Variants in RIN2 observed in about 807,000 individuals in gnomAD.
RIN2 encodes the protein Ras and Rab interactor 2.
RIN2 carries 36 observed loss-of-function variants against 78.0 expected under a neutral mutation model. That is an observed-to-expected ratio of 0.46 (90% CI 0.35 to 0.61). The LOEUF is 0.61. RIN2 is among the 20% of genes least tolerant of loss of function. The pLI is 0.00. For missense variants in RIN2, 1,087 were observed against 1,159.7 expected, an observed-to-expected ratio of 0.94 and a Z score of 0.91; for synonymous variants, 466 against 466.8, an observed-to-expected ratio of 1.00 and a Z score of 0.02.
chr20:19,801,167 A>C (rs2035229656), intron 2 of RIN2, among the ~76,000 whole-genome samples: 1 of 152,194 alleles, frequency 6.6e-6, no homozygotes. Context: ...TTAAGTGTAG[A>C]GTTCTCTCAG....
chr20:19,765,920 A>C (rs2122343577), intron 1 of RIN2, among the ~76,000 whole-genome samples: 1 of 151,702 alleles, frequency 6.6e-6, no homozygotes, highest in Non-Finnish European at 1.5e-5. Context: ...AGGAGGCTAC[A>C]GAGGGAGGGA....
At chr20:19,871,750 T>C (rs1449488606) in intron 2 of RIN2, 1 of 152,198 alleles carries the variant, frequency 6.6e-6, no homozygotes, top group African/African-American at 2.4e-5. Context: ...AATGTACGCA[T>C]CGCGGCTTCT....
chr20:19,965,381 C>T (rs570038151), intron 7 of RIN2, among the ~76,000 whole-genome samples: 17 of 152,188 alleles, frequency 1.1e-4, no homozygotes, highest in African/African-American at 3.1e-4. Context: ...CACATACATG[C>T]GCACACACAC....
At chr20:19,895,752 T>C (rs1188296853) in intron 3 of RIN2, 2 of 152,206 alleles carry the variant, frequency 1.3e-5, no homozygotes, top group African/African-American at 4.8e-5. Flanking sequence ...CCTGTCATTA[T>C]ATTTCAGAGA....
chr20:19,792,875 A>C (rs2034931796), intron 1 of RIN2, among the ~76,000 whole-genome samples: 1 of 152,060 alleles, frequency 6.6e-6, no homozygotes, highest in Non-Finnish European at 1.5e-5. Flanking sequence ...TGGATCTTAA[A>C]AGTTTGGCAG....
intron 9 of RIN2, among the ~76,000 whole-genome samples, chr20:19,982,735 A>G (rs1285262126): frequency 6.6e-6 from 1 of 152,182 alleles, no homozygotes; most frequent in East Asian, 1.9e-4. Context: ...GACATTTTGC[A>G]TGAGGCTTTC....
chr20:19,908,261 G>A (rs919150557), intron 3 of RIN2, among the ~76,000 whole-genome samples: 1 of 152,156 alleles, frequency 6.6e-6, no homozygotes, highest in African/African-American at 2.4e-5. Flanking sequence ...GGAGGCCGAG[G>A]TGGGCAGATC....
chr20:19,871,987 C>T (rs1429205772), intron 2 of RIN2: 1 of 152,100 alleles, frequency 6.6e-6, no homozygotes, highest in Non-Finnish European at 1.5e-5. Flanking sequence ...GGTTAGGCTT[C>T]GTGTCCCCAC....
intron 2 of RIN2, among the ~76,000 whole-genome samples, chr20:19,876,916 A>G (rs562656114): frequency 6.8e-6 from 1 of 146,500 alleles, no homozygotes; most frequent in African/African-American, 2.5e-5. Context: ...AAAAAAAACA[A>G]AAAACAAACA....
chr20:19,825,649 A>G (rs990824037), intron 2 of RIN2, among the ~76,000 whole-genome samples: 2 of 152,198 alleles, frequency 1.3e-5, no homozygotes, highest in East Asian at 1.9e-4. Context: ...TCAGAATAGG[A>G]CTTCCACCAA....
intron 1 of RIN2, among the ~76,000 whole-genome samples, chr20:19,773,140 T>C (rs548827142): frequency 6.6e-5 from 10 of 152,314 alleles, no homozygotes; most frequent in Admixed American, 2.6e-4. Context: ...GCATGCCTTG[T>C]AGATGCATCC....
intron 3 of RIN2, among the ~76,000 whole-genome samples, chr20:19,920,293 C>A: frequency 8.1e-6 from 1 of 122,968 alleles, no homozygotes; most frequent in African/African-American, 3.4e-5. Flanking sequence ...GAGACTCTGT[C>A]TCAAAAAAAA....
At chr20:19,976,766 T>G (rs2042290668) in intron 9 of RIN2, among the ~76,000 whole-genome samples, 1 of 152,214 alleles carries the variant, frequency 6.6e-6, no homozygotes, top group South Asian at 2.1e-4. Context: ...CACCCCAATT[T>G]TTTCTTTCTG....
At chr20:19,811,831 G>A (rs924283129) in intron 2 of RIN2, among the ~76,000 whole-genome samples, 97 of 150,642 alleles carry the variant, frequency 6.4e-4, no homozygotes, top group African/African-American at 2.1e-3. Flanking sequence ...ACAATATTTA[G>A]AATATGCTCC....
intron 2 of RIN2, among the ~76,000 whole-genome samples, chr20:19,864,067 T>C (rs913991173): frequency 2.6e-5 from 4 of 151,938 alleles, no homozygotes; most frequent in Non-Finnish European, 5.9e-5. Flanking sequence ...ATGCATATGA[T>C]ACATAAACAG....
intron 1 of RIN2, among the ~76,000 whole-genome samples, chr20:19,759,448 C>A (rs1290565062): frequency 6.6e-6 from 1 of 152,188 alleles, no homozygotes; most frequent in African/African-American, 2.4e-5. Flanking sequence ...ACACACAGGG[C>A]AGCACTCCAT....
chr20:19,918,095 A>G (rs2039756686), intron 3 of RIN2, among the ~76,000 whole-genome samples: 1 of 152,182 alleles, frequency 6.6e-6, no homozygotes, highest in African/African-American at 2.4e-5. Flanking sequence ...AGAAATGGTA[A>G]AAGGGAAGTG....
At chr20:19,808,671 G>C (rs181135511) in intron 2 of RIN2, among the ~76,000 whole-genome samples, 1 of 152,328 alleles carries the variant, frequency 6.6e-6, no homozygotes, top group East Asian at 1.9e-4. Flanking sequence ...CTGTCCACAG[G>C]TCACTGGCAA....
chr20:19,794,430 G>A (rs774699030), intron 1 of RIN2, among the ~76,000 whole-genome samples: 2 of 151,656 alleles, frequency 1.3e-5, no homozygotes, highest in Non-Finnish European at 2.9e-5. Flanking sequence ...GTGGCGGGAG[G>A]CGGAGGCAGG....
Sources: gnomAD v4.1 joint callset for allele counts (sites outside exome capture counted in the v4.1 genomes callset) on GRCh38, gnomAD v4.1.1 for gene constraint, MANE v1.5 for transcripts, NCBI Gene and HGNC (gene_info 2026-07-23, HGNC 2026-07-21) for gene names.